PDGFRL: variants seen among roughly 807,000 people sequenced by gnomAD.
The protein encoded by PDGFRL is platelet-derived growth factor receptor-like protein.
In PDGFRL, 46 loss-of-function variants were observed where a neutral mutation model predicts 37.2. That is an observed-to-expected ratio of 1.24 (90% CI 0.98 to 1.58). PDGFRL has a LOEUF of 1.58. PDGFRL is among the 40% of genes most tolerant of loss of function. The probability of loss-of-function intolerance (pLI) is 0.00; values close to 1 mark genes in which losing one functional copy is unlikely to be tolerated. For missense variants in PDGFRL, 692 were observed against 467.6 expected, an observed-to-expected ratio of 1.48 and a Z score of -4.43; for synonymous variants, 251 against 184.3, an observed-to-expected ratio of 1.36 and a Z score of -2.93.
At chr8:17,581,702 C>G (rs1803711809) in intron 1 of PDGFRL, among the ~76,000 whole-genome samples, 1 of 152,154 alleles carries the variant, frequency 6.6e-6, no homozygotes, top group Non-Finnish European at 1.5e-5. Context: ...CTCTGCACTG[C>G]TAGTTATCGT....
chr8:17,590,180 G>A (rs77377050), intron 2 of PDGFRL, among the ~76,000 whole-genome samples: 3,663 of 134,886 alleles, frequency 0.027, 57 homozygotes, highest in Non-Finnish European at 0.037. Context: ...GCATTGAGCC[G>A]AGATAGTGCC....
chr8:17,624,852 T>G (rs1804701407), intron 3 of PDGFRL, among the ~76,000 whole-genome samples: 1 of 152,198 alleles, frequency 6.6e-6, no homozygotes, highest in Non-Finnish European at 1.5e-5. Flanking sequence ...CGAGTCAAAG[T>G]TGCAGTGAGC....
At position 17,620,873 on chromosome 8, in the gene PDGFRL, T is replaced by A. The variant is rs147034132; in HGVS notation, c.354-178T>A. Among the ~76,000 whole-genome samples, 917 of 104,124 alleles carry A rather than the reference T, an allele frequency of 8.8e-3. 5 individuals are homozygous for A. The highest frequency in any genetic ancestry group is 0.016 in the Middle Eastern group (3 of 192). The allele number at this position is 104,124 out of a possible 152,430, so 68.3% of individuals were successfully genotyped here. Reference sequence around the variant, plus strand: ...TTTCAGTTTTTATCATTTTTTTTTTTTTATTATACTTTAAGTTCTAGGGGT... The same window carrying A: ...TTTCAGTTTTTATCATTTTTTTTTTATTATTATACTTTAAGTTCTAGGGGT... On this transcript the variant is annotated intron_variant, in intron 2 of 5. Coordinates refer to ENST00000251630, the MANE Select transcript of PDGFRL (RefSeq NM_001372073.1).
At chr8:17,594,625 G>A (rs962901299) in intron 2 of PDGFRL, among the ~76,000 whole-genome samples, 2 of 151,856 alleles carry the variant, frequency 1.3e-5, no homozygotes, top group African/African-American at 2.4e-5. Flanking sequence ...TGCGATCTCA[G>A]CTCACGGCAA....
intron 1 of PDGFRL, among the ~76,000 whole-genome samples, chr8:17,583,066 A>G (rs1803742078): frequency 1.3e-5 from 2 of 152,166 alleles, no homozygotes; most frequent in African/African-American, 4.8e-5. Flanking sequence ...AGTTATAAAT[A>G]AACCTTGGAG....
At chr8:17,626,939 CCCAG>C (rs1452796064) in intron 3 of PDGFRL, among the ~76,000 whole-genome samples, 7 of 152,170 alleles carry the variant, frequency 4.6e-5, no homozygotes, top group African/African-American at 1.7e-4. Context: ...GCTGAGGATT[CCCAG>C]CCAGGTGCTG....
chr8:17,635,234 C>A (rs1019089916), intron 5 of PDGFRL, among the ~76,000 whole-genome samples: 3 of 152,178 alleles, frequency 2.0e-5, no homozygotes, highest in African/African-American at 7.2e-5. Flanking sequence ...GTGTATCCAT[C>A]ACTTGAGCAG....
Position 17,642,694 on chromosome 8 carries a change from G to A in PDGFRL, c.1021G>A (p.Val341Ile), listed in dbSNP as rs1248925297. 2 of 1,601,854 alleles carry A rather than the reference G, an allele frequency of 1.2e-6. No homozygotes were observed. Among genetic ancestry groups the A allele is most frequent in the Non-Finnish European group, 8.6e-7 (1 of 1,168,696 alleles). ...LGHTTRISQSVITVEDFETID... is the reference protein window; with the variant it reads ...LGHTTRISQSIITVEDFETID... The stretch of plus-strand genomic sequence containing the variant: ...ACACACCACGAGAATCTCCCAGAGT[G>A]TCATTACAGTGGAAGACTTTGAGAC... Residue 341 changes from valine to isoleucine, a missense_variant, in exon 6 of 6, where the codon GTC (valine) becomes ATC (isoleucine). Val to Ile is a conservative substitution (Grantham distance 29). Transcript: ENST00000251630.
At chr8:17,583,010 A>C (rs1299048207) in intron 1 of PDGFRL, among the ~76,000 whole-genome samples, 1 of 152,166 alleles carries the variant, frequency 6.6e-6, no homozygotes, top group Non-Finnish European at 1.5e-5. Flanking sequence ...GAATAAGAGC[A>C]GAAGAGGCCA....
chr8:17,618,041 A>T (rs1804562941), intron 2 of PDGFRL, among the ~76,000 whole-genome samples: 1 of 151,500 alleles, frequency 6.6e-6, no homozygotes, highest in South Asian at 2.1e-4. Flanking sequence ...CCTTAAAACT[A>T]GCATTGATCT....
At chr8:17,580,664 G>A (rs1269734506) in intron 1 of PDGFRL, among the ~76,000 whole-genome samples, 2 of 152,224 alleles carry the variant, frequency 1.3e-5, no homozygotes, top group African/African-American at 4.8e-5. Context: ...TCATGAATCA[G>A]GGTCTATTAG....
At chr8:17,627,114 G>C (rs1457527457) in intron 3 of PDGFRL, among the ~76,000 whole-genome samples, 1 of 152,172 alleles carries the variant, frequency 6.6e-6, no homozygotes, top group Non-Finnish European at 1.5e-5. Context: ...TGATGTACTG[G>C]GAAATGCTTC....
At chr8:17,642,224 G>C (rs1004099789) in intron 5 of PDGFRL, among the ~76,000 whole-genome samples, 2 of 152,116 alleles carry the variant, frequency 1.3e-5, no homozygotes, top group Non-Finnish European at 2.9e-5. Context: ...AGTTCTGTAG[G>C]TAAGAACCAC....
At chr8:17,579,527 A>G (rs1184253661) in intron 1 of PDGFRL, among the ~76,000 whole-genome samples, 1 of 80,032 alleles carries the variant, frequency 1.2e-5, no homozygotes, top group Non-Finnish European at 2.6e-5. Flanking sequence ...CATCTAAAAG[A>G]CAGTCTTTAT....
chr8:17,631,955 C>T lies in PDGFRL; in HGVS notation c.800-2119C>T, dbSNP rs148927228. Among the ~76,000 whole-genome samples the T allele has an allele frequency of 8.3e-3, 1,261 of 152,284 alleles. 14 individuals are homozygous for T. Among genetic ancestry groups the T allele is most frequent in the South Asian group, 0.012 (59 of 4,830 alleles). On this transcript the variant is annotated intron_variant, in intron 4 of 5. Coordinates refer to ENST00000251630, the MANE Select transcript of PDGFRL (RefSeq NM_001372073.1). ...TAACTCCCAAGTGAACGGAAGTGGC[C>T]GGATCTAGGAGCATCAGGTCCACGT...
At chr8:17,630,252 T>C (rs1442388983) in intron 4 of PDGFRL, among the ~76,000 whole-genome samples, 1 of 152,236 alleles carries the variant, frequency 6.6e-6, no homozygotes, top group African/African-American at 2.4e-5. Flanking sequence ...ACTCCCTTAC[T>C]CTTGACAGAA....
intron 3 of PDGFRL, 79 bp from the exon 4 acceptor site, chr8:17,628,408 T>G: frequency 9.3e-7 from 1 of 1,074,360 alleles, no homozygotes; most frequent in East Asian, 2.4e-5. Flanking sequence ...GTATTCAGAG[T>G]ATGCTGCCAA....
chr8:17,640,608 G>T (rs1335076839), intron 5 of PDGFRL, among the ~76,000 whole-genome samples: 1 of 152,144 alleles, frequency 6.6e-6, no homozygotes, highest in African/African-American at 2.4e-5. Flanking sequence ...AGTGGTGCCT[G>T]TACAGAGTCC....
At chr8:17,636,130 G>A (rs563973132) in intron 5 of PDGFRL, among the ~76,000 whole-genome samples, 5 of 151,806 alleles carry the variant, frequency 3.3e-5, no homozygotes, top group Admixed American at 6.6e-5. Flanking sequence ...AATTAAGCCC[G>A]ATCTATCTTT....
Sources: gnomAD v4.1 joint callset for allele counts (sites outside exome capture counted in the v4.1 genomes callset) on GRCh38, gnomAD v4.1.1 for gene constraint, MANE v1.5 for transcripts, NCBI Gene and HGNC (gene_info 2026-07-23, HGNC 2026-07-21) for gene names.